VPS13B: variants seen among roughly 807,000 people sequenced by gnomAD.
The protein encoded by VPS13B is intermembrane lipid transfer protein VPS13B.
In VPS13B, 285 loss-of-function variants were observed where a neutral mutation model predicts 426.4. The observed-to-expected ratio is 0.67, with a 90% CI of 0.61 to 0.74. VPS13B has a LOEUF of 0.74. Ranked by LOEUF, VPS13B falls within the 30% of genes least tolerant of loss-of-function variation. The pLI is 0.00. For synonymous variants in VPS13B, 1,676 were observed against 1,676.4 expected, an observed-to-expected ratio of 1.00 and a Z score of 0.01; for missense variants, 4,537 against 4,782.6, an observed-to-expected ratio of 0.95 and a Z score of 1.51.
At position 99,850,650 on chromosome 8, in the gene VPS13B, G is replaced by T. The variant is rs548870294; in HGVS notation, c.10061+1756G>T. Among the ~76,000 whole-genome samples the T allele has an allele frequency of 1.7e-3, 263 of 152,274 alleles. 1 individual carries two copies. The highest frequency in any genetic ancestry group is 2.7e-3 in the Non-Finnish European group (182 of 68,022). Reference sequence around the variant, plus strand: ...CTTTTAAAAAGCTCATTGCAGCCAGGTGTGGTGGCTCACACCTGTAATCCC... The same window carrying T: ...CTTTTAAAAAGCTCATTGCAGCCAGTTGTGGTGGCTCACACCTGTAATCCC... On this transcript the variant is annotated intron_variant, in intron 55 of 61. Coordinates refer to ENST00000357162, the MANE Select transcript of VPS13B (RefSeq NM_152564.5).
chr8:99,382,577 G>A (rs894065946), intron 19 of VPS13B, among the ~76,000 whole-genome samples: 1 of 151,860 alleles, frequency 6.6e-6, no homozygotes, highest in Non-Finnish European at 1.5e-5. Context: ...TCTTTTTTTG[G>A]CAAATGTGAA....
rs112894050 is a variant in VPS13B, at chr8:99,868,265, T to C, written c.11216-24T>C. The C allele has an allele frequency of 4.5e-4, 726 of 1,614,086 alleles. 6 individuals are homozygous for C. The African/African-American group carries it at 8.4e-3, about 19-fold the overall frequency. On this transcript the variant is annotated intron_variant, in intron 58 of 61. Transcript: ENST00000357162. ...TCCGAGGATTTTAAGCCTCTGTCCTTACTGAGGGCTTTTGTTATTCCAGGT... is the reference window on the plus strand; with the variant it reads ...TCCGAGGATTTTAAGCCTCTGTCCTCACTGAGGGCTTTTGTTATTCCAGGT...
At position 99,649,625 on chromosome 8, in the gene VPS13B, TAC is replaced by T. The variant is rs57697283; in HGVS notation, c.5908+7151_5908+7152del. Reference sequence around the variant, plus strand: ...CACCACTGTAACAGTCCCCTCTACATACACACACACACACACACACACACAGA... The same window carrying T: ...CACCACTGTAACAGTCCCCTCTACATACACACACACACACACACACACAGA... On this transcript the variant is annotated intron_variant, in intron 34 of 61. Transcript: ENST00000357162. 5.2e-3 allele frequency among the ~76,000 whole-genome samples: 752 copies of T among 145,766 alleles called. 14 individuals are homozygous for T. The East Asian group carries it at 0.061, about 12-fold the overall frequency.
intron 19 of VPS13B, among the ~76,000 whole-genome samples, chr8:99,313,681 A>G (rs1286865679): frequency 2.0e-5 from 3 of 151,898 alleles, no homozygotes; most frequent in African/African-American, 7.3e-5. Context: ...GAGAACCACT[A>G]CTCACTTCAA....
At chr8:99,303,730 C>CAAAAAAAAAAAAAAAAAAA (rs58708195) in intron 19 of VPS13B, among the ~76,000 whole-genome samples, 6 of 63,716 alleles carry the variant, frequency 9.4e-5, no homozygotes, top group African/African-American at 4.2e-4. Context: ...GACTCCGTCT[C>CAAAAAAAAAAAAAAAAAAA]AAAAAAAAAA....
intron 34 of VPS13B, among the ~76,000 whole-genome samples, chr8:99,650,411 G>A (rs1829760625): frequency 6.6e-6 from 1 of 152,026 alleles, no homozygotes; most frequent in Non-Finnish European, 1.5e-5. Context: ...TTGTCAACCT[G>A]CCTTCCCCAG....
rs766690954 is a variant in VPS13B, at chr8:99,481,691, A to G, written c.3759A>G (p.Pro1253=). 2 of 1,614,070 alleles carry G rather than the reference A, an allele frequency of 1.2e-6. No individual in the cohort carries two copies. Among genetic ancestry groups the G allele is most frequent in the South Asian group, 2.2e-5 (2 of 91,084 alleles). Residue 1253 remains proline (P), a synonymous_variant, in exon 25 of 62, where the codon CCA becomes CCG. Coordinates refer to ENST00000357162, the MANE Select transcript of VPS13B (RefSeq NM_152564.5). ...ATCTCAACCTATCTCCAACCTCTCC[A>G]GAGACCATGGCAGGGCCTGTTCCTA... ...RGNLNLSPTS[P]ETMAGPVPTS...
At position 99,875,787 on chromosome 8, in the gene VPS13B, T is replaced by TCAAC; in HGVS notation, c.*123_*126dup. The TCAAC allele has an allele frequency of 7.5e-7, 1 of 1,330,432 alleles. No individual in the cohort carries two copies. Among genetic ancestry groups the TCAAC allele is most frequent in the Admixed American group, 1.9e-5 (1 of 53,020 alleles). The allele number at this position is 1,330,432 out of a possible 1,614,324, so 82.4% of individuals were successfully genotyped here. A position where few individuals can be genotyped will look rare whatever the true frequency, so the allele number is the denominator to read the frequency against. On this transcript the variant is annotated 3_prime_UTR_variant, in exon 62 of 62. Coordinates refer to ENST00000357162, the MANE Select transcript of VPS13B (RefSeq NM_152564.5). ...CTGGGGTTCAAGCAATCCTCCCACC[T>TCAAC]CAACCCACAAGTAGCTACGACTGCA... is the stretch of plus-strand genomic sequence containing the variant.
chr8:99,152,105 A>G (rs1406773877), intron 14 of VPS13B, among the ~76,000 whole-genome samples: 1 of 151,918 alleles, frequency 6.6e-6, no homozygotes, highest in African/African-American at 2.4e-5. Flanking sequence ...AGCTTAGGTG[A>G]TTGATTTTAG....
intron 23 of VPS13B, among the ~76,000 whole-genome samples, chr8:99,465,587 G>C (rs928824635): frequency 1.3e-5 from 2 of 151,754 alleles, no homozygotes; most frequent in Admixed American, 6.6e-5. Context: ...AGCATTTCTT[G>C]GATACAATAG....
At chr8:99,102,277 A>G (rs1184191956) in intron 4 of VPS13B, among the ~76,000 whole-genome samples, 4 of 151,766 alleles carry the variant, frequency 2.6e-5, no homozygotes, top group Non-Finnish European at 5.9e-5. Flanking sequence ...CCTTCCTTCC[A>G]TACTTTTGTT....
intron 17 of VPS13B, among the ~76,000 whole-genome samples, chr8:99,240,481 A>G (rs373119946): frequency 6.6e-6 from 1 of 152,240 alleles, no homozygotes; most frequent in African/African-American, 2.4e-5. Context: ...AAGTTCATCT[A>G]AAGTACATAT....
chr8:99,206,894 T>TCCC (rs200388602), intron 17 of VPS13B, among the ~76,000 whole-genome samples: 107,794 of 151,216 alleles, frequency 0.71, 39,415 homozygotes, highest in South Asian at 0.86. Context: ...AAGATATATA[T>TCCC]TTTTGAGATG....
At chr8:99,436,199 A>G (rs1588377313) in intron 22 of VPS13B, among the ~76,000 whole-genome samples, 1 of 152,204 alleles carries the variant, frequency 6.6e-6, no homozygotes, top group South Asian at 2.1e-4. Flanking sequence ...TATGTGCTTT[A>G]CTTGCTTATT....
At chr8:99,484,443 G>A (rs1056002720) in intron 25 of VPS13B, among the ~76,000 whole-genome samples, 2 of 152,048 alleles carry the variant, frequency 1.3e-5, no homozygotes, top group East Asian at 1.9e-4. Flanking sequence ...CAAGAAAAGA[G>A]GTGATTACTA....
intron 33 of VPS13B, among the ~76,000 whole-genome samples, chr8:99,623,537 G>A (rs1355972565): frequency 1.3e-5 from 2 of 152,076 alleles, no homozygotes; most frequent in Admixed American, 6.6e-5. Flanking sequence ...CATAGTAGGG[G>A]CTCACTACTA....
rs2133778779 is a variant in VPS13B at position 99,562,332 on chromosome 8, G to A, written c.4949+5679G>A. ...GTCTTGCTTTGTCACCCAGGTTGGA[G>A]TGCAGTGGTATGATCTCAGCCCACT... On this transcript the variant is annotated intron_variant, in intron 31 of 61. Transcript: ENST00000357162. Among the ~76,000 whole-genome samples the A allele has an allele frequency of 1.3e-5, 2 of 151,366 alleles. 1 individual carries two copies. Among genetic ancestry groups the A allele is most frequent in the African/African-American group, 4.9e-5 (2 of 41,190 alleles).
intron 19 of VPS13B, among the ~76,000 whole-genome samples, chr8:99,315,227 T>A (rs1395407201): frequency 6.6e-6 from 1 of 152,300 alleles, no homozygotes; most frequent in East Asian, 1.9e-4. Flanking sequence ...ATAGCTTTAT[T>A]CCTTTTGCTT....
In VPS13B at chr8:99,622,538, C is replaced by T. The variant is rs149728730; in HGVS notation, c.5221-19273C>T. Among the ~76,000 whole-genome samples, 421 of 152,262 alleles carry T rather than the reference C, an allele frequency of 2.8e-3. 3 individuals are homozygous for T. The highest frequency in any genetic ancestry group is 9.8e-3 in the African/African-American group (409 of 41,546). ...AAGGTATTTTATATGAGATATGCAA[C>T]ACAATTTTAGATTGCCTAAAAAACA... On this transcript the variant is annotated intron_variant, in intron 33 of 61. Transcript: ENST00000357162.
Sources: gnomAD v4.1 joint callset for allele counts (sites outside exome capture counted in the v4.1 genomes callset) on GRCh38, gnomAD v4.1.1 for gene constraint, MANE v1.5 for transcripts, NCBI Gene and HGNC (gene_info 2026-07-23, HGNC 2026-07-21) for gene names.